Variants in TMEM131 observed in about 807,000 individuals in gnomAD.
The protein encoded by TMEM131 is transmembrane protein 131, also known as 2610524E03Rik.
A neutral mutation model predicts 211.6 loss-of-function variants in TMEM131; 66 were observed. The ratio of observed to expected loss-of-function variants is 0.31; its 90% CI spans 0.26 to 0.38. The LOEUF (loss-of-function observed/expected upper bound fraction) is 0.38. Ranked by LOEUF, TMEM131 falls within the 10% of genes least tolerant of loss-of-function variation. The pLI, the probability that TMEM131 is intolerant of heterozygous loss-of-function variation, is 1.00. For synonymous variants in TMEM131, 844 were observed against 841.3 expected (o/e 1.00, Z -0.06); for missense variants, 2,036 against 2,299.3 (o/e 0.89, Z 2.34).
chr2:97,805,093 A>C lies in TMEM131; in HGVS notation c.2397T>G (p.Gly799=). The C allele has an allele frequency of 6.2e-7, 1 of 1,609,056 alleles. No homozygotes were observed. Among genetic ancestry groups the C allele is most frequent in the Non-Finnish European group, 8.5e-7 (1 of 1,177,342 alleles). ...KGWTGIKENS[G]HRLSAIFEVN... is the part of the protein sequence containing the mutation. Reference sequence around the variant, plus strand: ...AATAAACATAAACCACTCACCTATGACCTGAATTTTCCTTTATTCCTGTCC... The same window carrying C: ...AATAAACATAAACCACTCACCTATGCCCTGAATTTTCCTTTATTCCTGTCC... The change falls in exon 22 of 41, where the codon GGT becomes GGG. Residue 799 remains glycine (G), a synonymous_variant. Coordinates refer to ENST00000186436, the MANE Select transcript of TMEM131 (RefSeq NM_015348.2).
At chr2:97,850,215 A>G (rs1673558009) in intron 5 of TMEM131, among the ~76,000 whole-genome samples, 1 of 152,188 alleles carries the variant, frequency 6.6e-6, no homozygotes, top group Non-Finnish European at 1.5e-5. Context: ...GAAAAAAAAG[A>G]GAATGTTCAA....
intron 4 of TMEM131, among the ~76,000 whole-genome samples, chr2:97,885,087 CAT>C (rs1291252425): frequency 6.6e-6 from 1 of 152,206 alleles, no homozygotes; most frequent in Non-Finnish European, 1.5e-5. Flanking sequence ...TATAGTTTCA[CAT>C]GTTTTCATAA....
rs774776906 is a variant in TMEM131, at chr2:97,792,391, C to T, written c.4139G>A (p.Ser1380Asn). 2.6e-6 allele frequency: 4 copies of T among 1,568,586 alleles called. No homozygotes were observed. Among genetic ancestry groups the T allele is most frequent in the South Asian group, 2.4e-5 (2 of 84,712 alleles). ...TEQPPSPLPK[S>N]KGKGKPLQRK... is the part of the protein sequence containing the mutation. ...CGGCAGTGGGAGATGATTACCTTTG[C>T]TTTTTGGCAATGGCGATGGAGGCTG... Residue 1380 changes from serine (S) to asparagine (N), a missense_variant, in exon 31 of 41, where the codon AGC (serine) becomes AAC (asparagine). This residue lies in a region of TMEM131 where 1,623 missense variants were observed against 1,805.9 expected (regional missense o/e 0.90). Transcript: ENST00000186436.
intron 15 of TMEM131, among the ~76,000 whole-genome samples, chr2:97,813,697 T>C (rs909620538): frequency 1.3e-5 from 2 of 152,188 alleles, no homozygotes; most frequent in African/African-American, 2.4e-5. Flanking sequence ...TTCCCCATTA[T>C]TACAATAGTT....
chr2:97,768,484 T>A (rs1288670727), intron 33 of TMEM131, among the ~76,000 whole-genome samples: 2 of 152,218 alleles, frequency 1.3e-5, no homozygotes, highest in African/African-American at 4.8e-5. Context: ...GCCAGACAAC[T>A]CCTGTTATTT....
At chr2:97,774,471 G>A (rs548681882) in intron 32 of TMEM131, among the ~76,000 whole-genome samples, 1 of 152,362 alleles carries the variant, frequency 6.6e-6, no homozygotes, top group South Asian at 2.1e-4. Flanking sequence ...TATGCAGATT[G>A]CTGAGCAGGA....
rs1679222673 is a variant in TMEM131 at position 97,767,389 on chromosome 2, G to A, written c.4449-787C>T. Among the ~76,000 whole-genome samples, 4 of 152,188 alleles carry A rather than the reference G, an allele frequency of 2.6e-5. No homozygotes were observed. The South Asian group carries it at 8.3e-4, about 32-fold the overall frequency. The stretch of plus-strand genomic sequence containing the variant: ...AAATGAACTGGGTAGCTGGCCCATG[G>A]AAGACAGCATTGTGAGTAGAATACC... On this transcript the variant is annotated intron_variant, in intron 33 of 40. Transcript: ENST00000186436.
intron 1 of TMEM131, among the ~76,000 whole-genome samples, chr2:97,983,025 C>T (rs575693682): frequency 6.6e-6 from 1 of 152,104 alleles, no homozygotes; most frequent in Non-Finnish European, 1.5e-5. Context: ...GCCAACCAAT[C>T]GTTACCTCCT....
intron 31 of TMEM131, among the ~76,000 whole-genome samples, chr2:97,782,788 A>C (rs1379507034): frequency 1.3e-5 from 2 of 152,118 alleles, no homozygotes; most frequent in African/African-American, 4.8e-5. Context: ...ATTATGAGAG[A>C]AAATGGACTA....
At chr2:97,976,961 A>C (rs371296487) in intron 1 of TMEM131, among the ~76,000 whole-genome samples, 116 of 16,972 alleles carry the variant, frequency 6.8e-3, no homozygotes, top group African/African-American at 0.02. Flanking sequence ...ATTTATATGC[A>C]AAAAAAAAAA....
At chr2:97,799,084 G>A (rs1172698384) in intron 25 of TMEM131, among the ~76,000 whole-genome samples, 1 of 152,102 alleles carries the variant, frequency 6.6e-6, no homozygotes, top group Non-Finnish European at 1.5e-5. Flanking sequence ...TATCCACCAC[G>A]ATGTCAAAAC....
intron 1 of TMEM131, among the ~76,000 whole-genome samples, chr2:97,984,154 T>G (rs903106054): frequency 6.6e-6 from 1 of 152,218 alleles, no homozygotes; most frequent in Admixed American, 6.5e-5. Flanking sequence ...TTCCATTAAT[T>G]TGTCTATTTA....
Position 97,838,476 on chromosome 2 carries a change from G to A in TMEM131, c.724-1319C>T, listed in dbSNP as rs1037694598. On this transcript the variant is annotated intron_variant, in intron 7 of 40. Coordinates refer to ENST00000186436, the MANE Select transcript of TMEM131 (RefSeq NM_015348.2). ...TTTTTTTTTTTTGAGACGGAGTCTC[G>A]CCCTGTCGCTCAGGCTGGAGTGCAA... Among the ~76,000 whole-genome samples, 7 of 117,148 alleles carry A rather than the reference G, an allele frequency of 6.0e-5. No homozygotes were observed. In the East Asian group the frequency reaches 1.2e-3, roughly 20 times the overall value. The allele number at this position is 117,148 out of a possible 152,430, so 76.9% of individuals were successfully genotyped here.
intron 4 of TMEM131, among the ~76,000 whole-genome samples, chr2:97,879,138 T>A (rs1010240606): frequency 6.6e-6 from 1 of 152,224 alleles, no homozygotes; most frequent in African/African-American, 2.4e-5. Context: ...GGGGAAAGGC[T>A]TGCTTTACAA....
intron 3 of TMEM131, among the ~76,000 whole-genome samples, chr2:97,898,775 C>A (rs1185609012): frequency 1.3e-5 from 2 of 152,252 alleles, no homozygotes; most frequent in East Asian, 3.9e-4. Context: ...TTTCTAATAT[C>A]CCTTATGATT....
At chr2:97,911,673 T>C in intron 2 of TMEM131, 2 of 985,126 alleles carry the variant, frequency 2.0e-6, no homozygotes, top group Non-Finnish European at 2.4e-6. Flanking sequence ...GCAAAGGATC[T>C]GTGGAAATAA....
intron 4 of TMEM131, among the ~76,000 whole-genome samples, chr2:97,875,651 G>A (rs1362496799): frequency 6.6e-6 from 1 of 152,104 alleles, no homozygotes; most frequent in South Asian, 2.1e-4. Context: ...GCAGAAAAAA[G>A]ATGTTCTTTG....
Position 97,812,523 on chromosome 2 carries a change from G to T in TMEM131, c.1761C>A (p.Asp587Glu). Residue 587 changes from aspartate (D) to glutamate (E), a missense_variant, in exon 17 of 41, where the codon GAC becomes GAA. Physicochemically the swap from Asp to Glu is conservative, Grantham distance 45. Transcript: ENST00000186436. ...CAGCTACAAGTTCTATTGATAAACC[G>T]TCTCCTATGATATGCCAACTTTTTA... ...LAIKSWHIIG[D>E]GLSIELVAVE... 6.2e-7 allele frequency: 1 copy of T among 1,610,914 alleles called. No individual in the cohort carries two copies. The highest frequency in any genetic ancestry group is 8.5e-7 in the Non-Finnish European group (1 of 1,178,922).
chr2:97,839,288 C>T (rs1683081192), intron 7 of TMEM131, among the ~76,000 whole-genome samples: 1 of 151,908 alleles, frequency 6.6e-6, no homozygotes, highest in Admixed American at 6.6e-5. Context: ...GATGGCACCA[C>T]TGCACTCCAG....
Sources: gnomAD v4.1 joint callset for allele counts (sites outside exome capture counted in the v4.1 genomes callset) on GRCh38, gnomAD v4.1.1 for gene constraint, gnomAD v4.1.1 regional missense constraint, MANE v1.5 for transcripts, NCBI Gene and HGNC (gene_info 2026-07-23, HGNC 2026-07-21) for gene names.